Variants in TIPIN observed in about 807,000 individuals in gnomAD.
TIPIN encodes the protein TIMELESS interacting protein, also known as TIMELESS-interacting protein.
A neutral mutation model predicts 35.6 loss-of-function variants in TIPIN; 29 were observed. That is an observed-to-expected ratio of 0.82 (90% CI 0.61 to 1.11). The LOEUF is 1.11. Among genes scored for constraint, TIPIN ranks in the 50% most tolerant of loss-of-function variants. The probability of loss-of-function intolerance (pLI) is 0.00; values close to 1 mark genes in which losing one functional copy is unlikely to be tolerated. For missense variants in TIPIN, 296 were observed against 345.4 expected (o/e 0.86, Z 1.13); for synonymous variants, 102 against 121.5 (o/e 0.84, Z 1.06).
At chr15:66,337,699 A>T (rs1421280782) in intron 7 of TIPIN, among the ~76,000 whole-genome samples, 1 of 151,584 alleles carries the variant, frequency 6.6e-6, no homozygotes, top group Non-Finnish European at 1.5e-5. Flanking sequence ...ATGTGGGAGG[A>T]TCATTGGAGC....
chr15:66,379,214 A>T (rs534836169), intron 1 of TIPIN: 290 of 1,329,570 alleles, frequency 2.2e-4, no homozygotes, highest in Non-Finnish European at 2.7e-4. Context: ...ATGCACCTGG[A>T]ATTTATTTAG....
intron 6 of TIPIN, among the ~76,000 whole-genome samples, chr15:66,347,591 G>GT (rs979638825): frequency 2.0e-5 from 3 of 151,538 alleles, no homozygotes; most frequent in South Asian, 2.1e-4. Flanking sequence ...CCAAGGCTTT[G>GT]TTTTTTTTGA....
upstream of TIPIN, among the ~76,000 whole-genome samples, chr15:66,360,456 A>T (rs1483259552): frequency 8.5e-6 from 1 of 117,986 alleles, no homozygotes; most frequent in African/African-American, 3.3e-5. Flanking sequence ...AAAGCAGGAA[A>T]AGAAAATGTA....
intron 1 of TIPIN, among the ~76,000 whole-genome samples, chr15:66,373,890 A>G (rs1007618794): frequency 6.6e-6 from 1 of 151,940 alleles, no homozygotes; most frequent in African/African-American, 2.4e-5. Context: ...TTTTGTAGAG[A>G]CAGGGTCGCC....
At chr15:66,359,170 C>CAG (rs1380777449), upstream of TIPIN, among the ~76,000 whole-genome samples, 2 of 113,904 alleles carry the variant, frequency 1.8e-5, no homozygotes, top group African/African-American at 8.7e-5. Context: ...CACACACACA[C>CAG]ACAGACACAC....
intron 7 of TIPIN, among the ~76,000 whole-genome samples, chr15:66,338,410 C>T (rs963464261): frequency 6.6e-6 from 1 of 152,182 alleles, no homozygotes; most frequent in Non-Finnish European, 1.5e-5. Flanking sequence ...GCTTTAAATA[C>T]CAACTGCCAG....
intron 6 of TIPIN, among the ~76,000 whole-genome samples, chr15:66,345,964 G>C (rs79615392): frequency 7.2e-6 from 1 of 138,804 alleles, no homozygotes; most frequent in East Asian, 2.1e-4. Flanking sequence ...TTTTTTTTTT[G>C]AGACAGAGTT....
At chr15:66,372,835 G>A (rs148776050) in intron 1 of TIPIN, among the ~76,000 whole-genome samples, 3,587 of 152,078 alleles carry the variant, frequency 0.024, 52 homozygotes, top group Non-Finnish European at 0.029. Context: ...CCTGAGAGGC[G>A]GAGGTTGCAG....
intron 1 of TIPIN, among the ~76,000 whole-genome samples, chr15:66,374,568 T>TG (rs1054068475): frequency 4.6e-5 from 7 of 151,858 alleles, no homozygotes; most frequent in Admixed American, 2.0e-4. Flanking sequence ...GGCTAATTTT[T>TG]TTTGTTTGTT....
intron 3 of TIPIN, among the ~76,000 whole-genome samples, chr15:66,351,881 C>G (rs984234705): frequency 6.6e-6 from 1 of 152,002 alleles, no homozygotes; most frequent in South Asian, 2.1e-4. Context: ...CCTCGTGATC[C>G]GCCCACGTAG....
chr15:66,353,021 A>G, intron 1 of TIPIN, 66 bp from the exon 2 acceptor site: 1 of 1,457,148 alleles, frequency 6.9e-7, no homozygotes, highest in Non-Finnish European at 9.2e-7. Context: ...GACAAGTTCT[A>G]CCTGCAGCCA....
At chr15:66,370,314 G>A (rs1355493036) in intron 1 of TIPIN, among the ~76,000 whole-genome samples, 1 of 152,136 alleles carries the variant, frequency 6.6e-6, no homozygotes, top group Non-Finnish European at 1.5e-5. Flanking sequence ...TCCTTAGAGA[G>A]CAATTGAAAT....
At chr15:66,365,412 G>A (rs562467683) in intron 1 of TIPIN, among the ~76,000 whole-genome samples, 6 of 152,304 alleles carry the variant, frequency 3.9e-5, no homozygotes, top group African/African-American at 1.4e-4. Context: ...AAAAAGGGGA[G>A]GAACCCTCCA....
chr15:66,343,665 T>G (rs1268493391), intron 6 of TIPIN, among the ~76,000 whole-genome samples: 1 of 152,132 alleles, frequency 6.6e-6, no homozygotes, highest in African/African-American at 2.4e-5. Context: ...TAAGAGTATA[T>G]GTATGAAACA....
chr15:66,376,915 C>T (rs887299512), intron 1 of TIPIN, among the ~76,000 whole-genome samples: 5 of 151,460 alleles, frequency 3.3e-5, no homozygotes, highest in Admixed American at 6.6e-5. Context: ...TTGAGACCAA[C>T]CTGGCCAAAA....
At chr15:66,367,187 A>ATCTATATCTATATCTAT (rs151011048) in intron 1 of TIPIN, among the ~76,000 whole-genome samples, 7 of 130,926 alleles carry the variant, frequency 5.3e-5, no homozygotes, top group African/African-American at 1.1e-4. Context: ...CTCAAAAAAA[A>ATCTATATCTATATCTAT]ATCTATATCT....
intron 1 of TIPIN, among the ~76,000 whole-genome samples, chr15:66,383,357 G>A (rs904781593): frequency 7.9e-5 from 12 of 151,780 alleles, no homozygotes; most frequent in Non-Finnish European, 1.5e-4. Context: ...CCACCTCCTG[G>A]GTTCAAGTGA....
At chr15:66,359,536 G>C (rs751076749), upstream of TIPIN, among the ~76,000 whole-genome samples, 18 of 152,092 alleles carry the variant, frequency 1.2e-4, no homozygotes, top group Non-Finnish European at 2.6e-4. Flanking sequence ...GTATTTAGTA[G>C]AGATGGGGTT....
At chr15:66,351,919 G>A (rs962359851) in intron 3 of TIPIN, among the ~76,000 whole-genome samples, 3 of 144,432 alleles carry the variant, frequency 2.1e-5, no homozygotes, top group African/African-American at 7.3e-5. Context: ...GATTATAGGC[G>A]TGAGCTACCA....
Sources: gnomAD v4.1 joint callset for allele counts (sites outside exome capture counted in the v4.1 genomes callset) on GRCh38, gnomAD v4.1.1 for gene constraint, MANE v1.5 for transcripts, NCBI Gene and HGNC (gene_info 2026-07-23, HGNC 2026-07-21) for gene names.